Variants in IL12RB2 observed in about 807,000 individuals in gnomAD.
IL12RB2 encodes the protein interleukin 12 receptor subunit beta 2.
Under a neutral mutation model 89.4 loss-of-function variants are expected in IL12RB2, and 82 were observed. The ratio of observed to expected loss-of-function variants is 0.92; its 90% CI spans 0.77 to 1.10. IL12RB2 has a LOEUF of 1.10. Among genes scored for constraint, IL12RB2 ranks in the 50% least tolerant of loss-of-function variants. The pLI is 0.00. For missense variants in IL12RB2, 963 were observed against 1,031.9 expected (o/e 0.93, Z 0.92); for synonymous variants, 368 against 370.1 (o/e 0.99, Z 0.07).
chr1:67,347,211 G>A (rs559495474), intron 9 of IL12RB2, among the ~76,000 whole-genome samples: 2 of 152,236 alleles, frequency 1.3e-5, no homozygotes, highest in African/African-American at 4.8e-5. Flanking sequence ...AAAATCAAAA[G>A]AAATAAAAGC....
chr1:67,331,136 CTCATT>C (rs1047519665), intron 8 of IL12RB2, among the ~76,000 whole-genome samples: 1 of 152,158 alleles, frequency 6.6e-6, no homozygotes, highest in African/African-American at 2.4e-5. Context: ...AGTAATTAAT[CTCATT>C]TCTTGTTAAA....
At chr1:67,329,818 A>G (rs1039526799) in intron 7 of IL12RB2, 89 bp downstream of exon 7, 1 of 926,602 alleles carries the variant, frequency 1.1e-6, no homozygotes, top group African/African-American at 1.6e-5. Context: ...CAAAAAATAG[A>G]GTTTAAGAAT....
At position 67,380,056 on chromosome 1, in the gene IL12RB2, G is replaced by C; in HGVS notation, c.1788G>C (p.Leu596=). The C allele has an allele frequency of 6.2e-7, 1 of 1,613,952 alleles. No individual in the cohort carries two copies. Among genetic ancestry groups the C allele is most frequent in the Non-Finnish European group, 8.5e-7 (1 of 1,179,796 alleles). ...NSLQPRVTYV[L]WMTALTAAGE... ...TGCAGCCCCGAGTGACATATGTCCT[G>C]TGGATGACAGCTCTGACAGCTGCTG... The change falls in exon 14 of 17, where the codon CTG becomes CTC. Residue 596 remains leucine, a synonymous_variant. Transcript: ENST00000674203.
chr1:67,317,842 G>A (rs768805672), intron 2 of IL12RB2, among the ~76,000 whole-genome samples: 5 of 152,154 alleles, frequency 3.3e-5, no homozygotes, highest in Non-Finnish European at 7.3e-5. Context: ...CAATGTTCCT[G>A]CTCTTATGGG....
Position 67,346,477 on chromosome 1 carries a change from C to T in IL12RB2, c.1039-4393C>T, listed in dbSNP as rs556493735. On this transcript the variant is annotated intron_variant, in intron 9 of 16. Coordinates refer to ENST00000674203, the MANE Select transcript of IL12RB2 (RefSeq NM_001374259.2). ...TATTAGCTCACTGCAACCTCTGCCT[C>T]CTGGGTTCAAGCAATTCTCCCACCT... Among the ~76,000 whole-genome samples the T allele has an allele frequency of 2.7e-3, 398 of 147,926 alleles. 2 individuals are homozygous for T. Among genetic ancestry groups the T allele is most frequent in the African/African-American group, 9.6e-3 (384 of 40,158 alleles).
rs183342823 is a variant in IL12RB2, at chr1:67,338,388, A to T, written c.959-236A>T. ...AAAAAAAAAAAGTAAGTTAAGAAAC[A>T]AATTCCTCATCATTTTTTTTTAAAT... On this transcript the variant is annotated intron_variant, in intron 8 of 16. Coordinates refer to ENST00000674203, the MANE Select transcript of IL12RB2 (RefSeq NM_001374259.2). Among the ~76,000 whole-genome samples the T allele has an allele frequency of 8.0e-4, 119 of 148,106 alleles. No individual in the cohort carries two copies. The Middle Eastern group carries it at 0.014, about 18-fold the overall frequency.
chr1:67,312,326 G>A (rs1655177220), intron 1 of IL12RB2, among the ~76,000 whole-genome samples: 1 of 152,148 alleles, frequency 6.6e-6, no homozygotes, highest in Non-Finnish European at 1.5e-5. Flanking sequence ...GAAAGTTTTA[G>A]GCTTATGGGA....
At chr1:67,377,687 AC>A (rs980475600) in intron 13 of IL12RB2, among the ~76,000 whole-genome samples, 1 of 81,114 alleles carries the variant, frequency 1.2e-5, no homozygotes, top group Non-Finnish European at 2.3e-5. Context: ...TATCTTCCCC[AC>A]CCCCCACCCA....
intron 6 of IL12RB2, among the ~76,000 whole-genome samples, chr1:67,329,269 C>T (rs1162182430): frequency 6.6e-6 from 1 of 152,112 alleles, no homozygotes; most frequent in Admixed American, 6.6e-5. Context: ...CATTGGAACT[C>T]TTGGGTTTGG....
intron 13 of IL12RB2, among the ~76,000 whole-genome samples, chr1:67,375,544 A>T (rs1663867084): frequency 6.6e-6 from 1 of 152,218 alleles, no homozygotes; most frequent in African/African-American, 2.4e-5. Context: ...TGGTAGGTTG[A>T]GGAGGAGGGA....
intron 2 of IL12RB2, among the ~76,000 whole-genome samples, chr1:67,316,070 TAC>T (rs1217540863): frequency 6.6e-6 from 1 of 152,212 alleles, no homozygotes; most frequent in Non-Finnish European, 1.5e-5. Context: ...TAGATGAACA[TAC>T]ACACACAATT....
At position 67,330,834 on chromosome 1, in the gene IL12RB2, C is replaced by T; in HGVS notation, c.958+24C>T. 2.2e-6 allele frequency: 3 copies of T among 1,359,940 alleles called. No individual in the cohort carries two copies. The South Asian group carries it at 3.5e-5, about 16-fold the overall frequency. The allele number at this position is 1,359,940 out of a possible 1,614,324, so 84.2% of individuals were successfully genotyped here. A position where few individuals can be genotyped will look rare whatever the true frequency, so the allele number is the denominator to read the frequency against. On this transcript the variant is annotated intron_variant, in intron 8 of 16. Transcript: ENST00000674203. ...AGGTATATGTCCAAAATATACATACCTATCGGGGAGCAATAAAGGGGAGAG... is the reference window on the plus strand; with the variant it reads ...AGGTATATGTCCAAAATATACATACTTATCGGGGAGCAATAAAGGGGAGAG...
intron 10 of IL12RB2, among the ~76,000 whole-genome samples, chr1:67,360,740 G>A (rs1174323163): frequency 6.6e-6 from 1 of 150,658 alleles, no homozygotes; most frequent in Non-Finnish European, 1.5e-5. Context: ...AGGTTGCAGT[G>A]AACCAAGATC....
At chr1:67,384,334 G>A (rs964262099) in intron 14 of IL12RB2, among the ~76,000 whole-genome samples, 4 of 152,248 alleles carry the variant, frequency 2.6e-5, no homozygotes, top group Admixed American at 6.5e-5. Flanking sequence ...ATGAAGCAAC[G>A]GCCTGAGCTG....
intron 16 of IL12RB2, among the ~76,000 whole-genome samples, chr1:67,393,597 C>T (rs1040326807): frequency 6.6e-6 from 1 of 152,228 alleles, no homozygotes; most frequent in Non-Finnish European, 1.5e-5. Context: ...AGAGCAGTCT[C>T]CCCGAAGTGA....
chr1:67,358,571 C>A (rs1021550394), intron 10 of IL12RB2, among the ~76,000 whole-genome samples: 1 of 148,856 alleles, frequency 6.7e-6, no homozygotes, highest in Non-Finnish European at 1.5e-5. Context: ...AGTGAAACTC[C>A]ATCTCAAAAA....
At chr1:67,327,944 C>T (rs1657545424) in intron 5 of IL12RB2, among the ~76,000 whole-genome samples, 2 of 152,260 alleles carry the variant, frequency 1.3e-5, no homozygotes, top group Non-Finnish European at 2.9e-5. Context: ...TGGGGAATTT[C>T]AGCAGCGTAG....
chr1:67,360,267 T>C (rs961330476), intron 10 of IL12RB2, among the ~76,000 whole-genome samples: 2 of 151,470 alleles, frequency 1.3e-5, no homozygotes, highest in Non-Finnish European at 2.9e-5. Context: ...AGCGTGGTAG[T>C]GCGTGCCTGT....
At chr1:67,337,256 C>G (rs1458555947) in intron 8 of IL12RB2, among the ~76,000 whole-genome samples, 1 of 152,110 alleles carries the variant, frequency 6.6e-6, no homozygotes, top group African/African-American at 2.4e-5. Context: ...AACTTTCTAA[C>G]CTAGGAAAAA....
Sources: gnomAD v4.1 joint callset for allele counts (sites outside exome capture counted in the v4.1 genomes callset) on GRCh38, gnomAD v4.1.1 for gene constraint, MANE v1.5 for transcripts, NCBI Gene and HGNC (gene_info 2026-07-23, HGNC 2026-07-21) for gene names.